The following CCDC34 variants were observed in gnomAD, a reference collection of about 807,000 sequenced individuals.
The protein encoded by CCDC34 is coiled-coil domain-containing protein 34.
Under a neutral mutation model 44.1 loss-of-function variants are expected in CCDC34, and 40 were observed. The ratio of observed to expected loss-of-function variants is 0.91; its 90% CI spans 0.70 to 1.18. The LOEUF is 1.18. CCDC34 is among the 50% of genes most tolerant of loss of function. The pLI, the probability that CCDC34 is intolerant of heterozygous loss-of-function variation, is 0.00. For missense variants in CCDC34, 466 were observed against 452.3 expected (o/e 1.03, Z -0.28); for synonymous variants, 159 against 158.2 (o/e 1.01, Z -0.04).
intron 4 of CCDC34, 54 bp downstream of exon 4, chr11:27,341,338 A>G (rs942597919): frequency 1.9e-5 from 20 of 1,045,960 alleles, no homozygotes; most frequent in Non-Finnish European, 2.2e-5. Flanking sequence ...GATATAGTTG[A>G]CACATATGAA....
chr11:27,341,589 T>A, intron 3 of CCDC34, 39 bp from the exon 4 acceptor site: 1 of 919,378 alleles, frequency 1.1e-6, no homozygotes. Context: ...GTAATACCAG[T>A]AATTATACTC....
At chr11:27,356,220 T>C (rs1423434571) in intron 2 of CCDC34, among the ~76,000 whole-genome samples, 1 of 151,692 alleles carries the variant, frequency 6.6e-6, no homozygotes, top group African/African-American at 2.4e-5. Flanking sequence ...CTCTCCATGT[T>C]GGTCAGGCTG....
chr11:27,357,357 T>A (rs757812869), intron 2 of CCDC34, 46 bp downstream of exon 2: 1 of 1,566,928 alleles, frequency 6.4e-7, no homozygotes, highest in South Asian at 1.2e-5. Context: ...GCAGCTCTAC[T>A]TTGTGAGCTC....
At chr11:27,357,564 G>T (rs760340377) in intron 1 of CCDC34, 23 bp from the exon 2 acceptor site, 1 of 1,604,782 alleles carries the variant, frequency 6.2e-7, no homozygotes, top group East Asian at 2.2e-5. Flanking sequence ...GGCTACTATA[G>T]TACTTGTACA....
intron 5 of CCDC34, among the ~76,000 whole-genome samples, chr11:27,340,135 G>A (rs574942965): frequency 2.6e-5 from 4 of 151,974 alleles, no homozygotes; most frequent in Non-Finnish European, 5.9e-5. Flanking sequence ...AAACAGAATG[G>A]GAGTATTTTA....
Position 27,357,462 on chromosome 11 carries a change from C to A in CCDC34, c.439G>T (p.Val147Leu), listed in dbSNP as rs1410941396. Residue 147 changes from valine (V) to leucine (L), a missense_variant, in exon 2 of 6, where the codon GTG (valine) becomes TTG (leucine). Val to Leu is a conservative substitution (Grantham distance 32). Transcript: ENST00000328697. ...TCTTTTTCTTTGCCAATAAACCACA[C>A]CTCCCATGGTGTCAGGCGGCTTTCT... The part of the protein sequence containing the change: ...LPESRLTPWE[V>L]WFIGKEKEER... The A allele has an allele frequency of 1.2e-6, 2 of 1,613,926 alleles. No homozygotes were observed. The highest frequency in any genetic ancestry group is 1.7e-6 in the Non-Finnish European group (2 of 1,179,944).
intron 1 of CCDC34, among the ~76,000 whole-genome samples, chr11:27,360,621 A>G (rs371995320): frequency 3.9e-5 from 6 of 152,324 alleles, no homozygotes; most frequent in African/African-American, 1.4e-4. Flanking sequence ...GTCACCCCCA[A>G]GCTGTCCAGG....
At chr11:27,345,493 T>A (rs968350295) in intron 3 of CCDC34, among the ~76,000 whole-genome samples, 4 of 152,154 alleles carry the variant, frequency 2.6e-5, no homozygotes, top group Admixed American at 6.5e-5. Flanking sequence ...TGTCCATGTG[T>A]TCTCATTGTT....
chr11:27,361,945 T>G (rs1297640046), intron 1 of CCDC34, among the ~76,000 whole-genome samples: 1 of 152,168 alleles, frequency 6.6e-6, no homozygotes, highest in African/African-American at 2.4e-5. Flanking sequence ...CCTTCAGGGA[T>G]TGGCCCTTTG....
chr11:27,354,991 T>A (rs1862555067), intron 2 of CCDC34, among the ~76,000 whole-genome samples: 1 of 152,138 alleles, frequency 6.6e-6, no homozygotes, highest in South Asian at 2.1e-4. Flanking sequence ...AGAATTAGAA[T>A]GGCAAGGCTA....
intron 3 of CCDC34, among the ~76,000 whole-genome samples, chr11:27,344,501 T>C (rs939364058): frequency 1.3e-5 from 2 of 151,740 alleles, no homozygotes; most frequent in Non-Finnish European, 2.9e-5. Context: ...CATGTGTACA[T>C]TACATATATG....
chr11:27,341,039 T>G (rs993965482), intron 4 of CCDC34, among the ~76,000 whole-genome samples: 1 of 152,092 alleles, frequency 6.6e-6, no homozygotes, highest in Non-Finnish European at 1.5e-5. Flanking sequence ...TGAAAAACAA[T>G]AAGACATCAA....
At chr11:27,361,305 C>T (rs1862660103) in intron 1 of CCDC34, among the ~76,000 whole-genome samples, 1 of 152,170 alleles carries the variant, frequency 6.6e-6, no homozygotes, top group Admixed American at 6.5e-5. Context: ...AGGGCTTTGG[C>T]TCTTGGAAAC....
intron 3 of CCDC34, among the ~76,000 whole-genome samples, chr11:27,346,898 G>C (rs1273752523): frequency 6.6e-6 from 1 of 152,174 alleles, no homozygotes; most frequent in Non-Finnish European, 1.5e-5. Flanking sequence ...AGAGACACCA[G>C]GGATATATGT....
At chr11:27,340,578 T>C in intron 5 of CCDC34, 118 bp downstream of exon 5, 1 of 1,037,738 alleles carries the variant, frequency 9.6e-7, no homozygotes, top group East Asian at 2.6e-5. Context: ...TATAATCTTC[T>C]GGAAAATAGT....
chr11:27,344,717 T>C (rs1862409991), intron 3 of CCDC34, among the ~76,000 whole-genome samples: 1 of 152,046 alleles, frequency 6.6e-6, no homozygotes, highest in South Asian at 2.1e-4. Flanking sequence ...ACCATGTTTA[T>C]AGATTTAAAA....
At chr11:27,355,891 G>T (rs1440142369) in intron 2 of CCDC34, among the ~76,000 whole-genome samples, 1 of 151,732 alleles carries the variant, frequency 6.6e-6, no homozygotes, top group Non-Finnish European at 1.5e-5. Context: ...TTTGAATTAT[G>T]CCAAGCCTCT....
intron 3 of CCDC34, chr11:27,348,858 T>C: frequency 1.0e-6 from 1 of 965,482 alleles, no homozygotes; most frequent in Non-Finnish European, 1.2e-6. Flanking sequence ...ACAAGAGTTC[T>C]GCAGAACAGG....
intron 2 of CCDC34, among the ~76,000 whole-genome samples, chr11:27,355,328 C>A (rs1275872630): frequency 6.6e-6 from 1 of 151,968 alleles, no homozygotes; most frequent in Non-Finnish European, 1.5e-5. Context: ...TGTATAAATA[C>A]ATATATATAG....
Sources: gnomAD v4.1 joint callset for allele counts (sites outside exome capture counted in the v4.1 genomes callset) on GRCh38, gnomAD v4.1.1 for gene constraint, MANE v1.5 for transcripts, NCBI Gene and HGNC (gene_info 2026-07-23, HGNC 2026-07-21) for gene names.